ATP2B2: variants seen among roughly 807,000 people sequenced by gnomAD.
The protein encoded by ATP2B2 is plasma membrane calcium-transporting ATPase 2.
Under a neutral mutation model 120.0 loss-of-function variants are expected in ATP2B2, and 15 were observed. The observed-to-expected ratio is 0.12, with a 90% CI of 0.08 to 0.19. ATP2B2 has a LOEUF of 0.19. ATP2B2 is among the 10% of genes least tolerant of loss of function. ATP2B2 has a pLI of 1.00. For synonymous variants in ATP2B2, 694 were observed against 700.3 expected (o/e 0.99, Z 0.14); for missense variants, 1,045 against 1,719.8 (o/e 0.61, Z 6.94).
chr3:10,526,724 T>C (rs959245469), intron 3 of ATP2B2, among the ~76,000 whole-genome samples: 7 of 152,032 alleles, frequency 4.6e-5, no homozygotes, highest in Admixed American at 4.6e-4. Context: ...GTGGAAAGAA[T>C]AGGGACTGAG....
intron 1 of ATP2B2, among the ~76,000 whole-genome samples, chr3:10,649,473 C>A (rs2070397962): frequency 6.6e-6 from 1 of 152,326 alleles, no homozygotes; most frequent in South Asian, 2.1e-4. Context: ...TGATCCAGCT[C>A]TACTGGGTGA....
At chr3:10,373,357 T>C (rs1282087499) in intron 11 of ATP2B2, among the ~76,000 whole-genome samples, 3 of 152,240 alleles carry the variant, frequency 2.0e-5, no homozygotes, top group East Asian at 1.9e-4. Context: ...GACCTTTCTA[T>C]TGGGCCTCAG....
At chr3:10,339,982 A>T (rs999519659) in intron 21 of ATP2B2, among the ~76,000 whole-genome samples, 10 of 152,268 alleles carry the variant, frequency 6.6e-5, no homozygotes, top group African/African-American at 2.4e-4. Flanking sequence ...AATTTAAGTT[A>T]AAAAAGCTGA....
chr3:10,584,645 G>C (rs1458306982), intron 2 of ATP2B2, among the ~76,000 whole-genome samples: 1 of 152,174 alleles, frequency 6.6e-6, no homozygotes, highest in Non-Finnish European at 1.5e-5. Context: ...GCCACTGCTT[G>C]CAGAAGCTGC....
At chr3:10,682,673 A>G (rs903119366) in intron 1 of ATP2B2, among the ~76,000 whole-genome samples, 1 of 152,194 alleles carries the variant, frequency 6.6e-6, no homozygotes, top group South Asian at 2.1e-4. Flanking sequence ...GGCAGAAGCA[A>G]GTCCAGTGAG....
chr3:10,702,800 C>G (rs1219004104), intron 1 of ATP2B2, among the ~76,000 whole-genome samples: 2 of 152,188 alleles, frequency 1.3e-5, no homozygotes, highest in Non-Finnish European at 2.9e-5. Context: ...TGAGCTGCTG[C>G]TGGAAAAAAC....
intron 7 of ATP2B2, among the ~76,000 whole-genome samples, chr3:10,386,199 C>T (rs965135827): frequency 4.6e-5 from 7 of 152,236 alleles, no homozygotes; most frequent in Admixed American, 2.0e-4. Context: ...GCTTTGCATG[C>T]TGGTACGCAG....
At position 10,329,838 on chromosome 3, in the gene ATP2B2, G is replaced by A. The variant is rs1207109703; in HGVS notation, c.3421-713C>T. 6.6e-6 allele frequency among the ~76,000 whole-genome samples: 1 copy of A among 152,134 alleles called. No individual in the cohort carries two copies. Among genetic ancestry groups the A allele is most frequent in the African/African-American group, 2.4e-5 (1 of 41,430 alleles). On this transcript the variant is annotated intron_variant, in intron 22 of 22. Coordinates refer to ENST00000360273, the MANE Select transcript of ATP2B2 (RefSeq NM_001001331.4). This position sits in a 1 kb window ranked among gnomAD's most constrained non-coding sequence, Gnocchi z 5.9. ...GCGGGCTGCATGCCACGGGGAGGCC[G>A]GGAGCCACATGGCACACACAGACAG...
chr3:10,695,453 G>A (rs2071729129), intron 1 of ATP2B2, among the ~76,000 whole-genome samples: 1 of 152,168 alleles, frequency 6.6e-6, no homozygotes, highest in African/African-American at 2.4e-5. Flanking sequence ...TGGGGACACA[G>A]CCAAACCATA....
chr3:10,465,392 G>A (rs2064692181), intron 1 of ATP2B2, among the ~76,000 whole-genome samples: 1 of 152,232 alleles, frequency 6.6e-6, no homozygotes, highest in South Asian at 2.1e-4. Flanking sequence ...CTGATGACAG[G>A]CAACTTGGCA....
At chr3:10,666,367 T>C (rs2070933810) in intron 1 of ATP2B2, among the ~76,000 whole-genome samples, 1 of 152,316 alleles carries the variant, frequency 6.6e-6, no homozygotes, top group South Asian at 2.1e-4. Flanking sequence ...GGAACCTTGC[T>C]CCTCTGAGCC....
At chr3:10,568,256 T>C (rs1053484717) in intron 2 of ATP2B2, among the ~76,000 whole-genome samples, 1 of 152,232 alleles carries the variant, frequency 6.6e-6, no homozygotes, top group Non-Finnish European at 1.5e-5. Flanking sequence ...GGTGCTTTCC[T>C]GGACCCCGGT....
intron 8 of ATP2B2, among the ~76,000 whole-genome samples, chr3:10,383,947 C>G (rs1207291064): frequency 6.6e-6 from 1 of 152,152 alleles, no homozygotes; most frequent in African/African-American, 2.4e-5. Flanking sequence ...CTCTAGGTTC[C>G]TTCTCTCTCA....
Position 10,328,436 on chromosome 3 carries a change from CCCAA to C in ATP2B2, c.*374_*377del. 1 of 206,422 alleles carries C rather than the reference CCCAA, an allele frequency of 4.8e-6. No homozygotes were observed. Among genetic ancestry groups the C allele is most frequent in the Non-Finnish European group, 9.8e-6 (1 of 101,820 alleles). 12.8% of individuals were successfully genotyped at this position (206,422 alleles called of 1,614,324 possible). ...ACAAACAAACAAACAAAAACCCCTCCCCAACCCCCAAAAACCAAACAAGGGGAGG... is the reference window on the plus strand; with the variant it reads ...ACAAACAAACAAACAAAAACCCCTCCCCCCCAAAAACCAAACAAGGGGAGG... On this transcript the variant is annotated 3_prime_UTR_variant, in exon 23 of 23. Coordinates refer to ENST00000360273, the MANE Select transcript of ATP2B2 (RefSeq NM_001001331.4).
chr3:10,386,230 T>C (rs776797018), intron 7 of ATP2B2, among the ~76,000 whole-genome samples: 6 of 151,786 alleles, frequency 4.0e-5, no homozygotes, highest in Non-Finnish European at 7.4e-5. Context: ...GGTGTAGAGA[T>C]GGGGGTGGTA....
chr3:10,420,676 T>C (rs2062947333), intron 2 of ATP2B2, among the ~76,000 whole-genome samples: 1 of 152,242 alleles, frequency 6.6e-6, no homozygotes, highest in South Asian at 2.1e-4. Flanking sequence ...CCTTGGTTTT[T>C]TCACGTGCAG....
chr3:10,501,841 C>T (rs2066407710), intron 1 of ATP2B2, among the ~76,000 whole-genome samples: 1 of 152,202 alleles, frequency 6.6e-6, no homozygotes, highest in Admixed American at 6.5e-5. Flanking sequence ...CGCCTATGTG[C>T]TCCACCAAGC....
chr3:10,529,300 A>G (rs535612130), intron 3 of ATP2B2, among the ~76,000 whole-genome samples: 10 of 152,278 alleles, frequency 6.6e-5, no homozygotes, highest in African/African-American at 2.4e-4. Context: ...GTACTCCCCT[A>G]TCCAACAACA....
chr3:10,378,817 G>C (rs1345013986), intron 9 of ATP2B2, among the ~76,000 whole-genome samples: 1 of 152,178 alleles, frequency 6.6e-6, no homozygotes, highest in Non-Finnish European at 1.5e-5. Flanking sequence ...CACTCGACAG[G>C]AGGGACAAAA....
Sources: gnomAD v4.1 joint callset for allele counts (sites outside exome capture counted in the v4.1 genomes callset) on GRCh38, gnomAD v4.1.1 for gene constraint, Gnocchi (gnomAD v3.1) non-coding constraint, MANE v1.5 for transcripts, NCBI Gene and HGNC (gene_info 2026-07-23, HGNC 2026-07-21) for gene names.